The following OTULIN variants were observed in gnomAD, a reference collection of about 807,000 sequenced individuals.
OTULIN encodes ubiquitin thioesterase otulin.
Under a neutral mutation model 39.6 loss-of-function variants are expected in OTULIN, and 15 were observed. The ratio of observed to expected loss-of-function variants is 0.38; its 90% CI spans 0.25 to 0.58. The LOEUF (loss-of-function observed/expected upper bound fraction) is 0.58. OTULIN is among the 20% of genes least tolerant of loss of function. The pLI is 0.66. For missense variants in OTULIN, 319 were observed against 445.9 expected (o/e 0.72, Z 2.56); for synonymous variants, 156 against 170.3 (o/e 0.92, Z 0.65).
chr5:14,689,489 C>G (rs1736469076), intron 5 of OTULIN, among the ~76,000 whole-genome samples: 1 of 152,144 alleles, frequency 6.6e-6, no homozygotes, highest in Non-Finnish European at 1.5e-5. Flanking sequence ...TTACTTTATT[C>G]TTAATCCGGA....
rs1003301312 is a variant in OTULIN at position 14,693,078 on chromosome 5, G to A, written c.*30G>A. The A allele has an allele frequency of 1.2e-5, 19 of 1,562,764 alleles. No individual in the cohort carries two copies. The highest frequency in any genetic ancestry group is 1.9e-5 in the Admixed American group (1 of 53,674). ...CGCATGCTCCTGACAGCCTGGCGAC[G>A]TGGCGAAGATGCACAGGTGGCTCCT... On this transcript the variant is annotated 3_prime_UTR_variant, in exon 7 of 7. Coordinates refer to ENST00000284274, the MANE Select transcript of OTULIN (RefSeq NM_138348.6).
At chr5:14,688,463 G>A (rs931699098) in intron 5 of OTULIN, among the ~76,000 whole-genome samples, 3 of 152,158 alleles carry the variant, frequency 2.0e-5, no homozygotes, top group East Asian at 1.9e-4. Flanking sequence ...TCAGCTCCAC[G>A]AGAGACTGTC....
At chr5:14,684,181 CAGAG>C (rs1314710521) in intron 4 of OTULIN, among the ~76,000 whole-genome samples, 4 of 152,164 alleles carry the variant, frequency 2.6e-5, no homozygotes, top group African/African-American at 9.7e-5. Context: ...AGGCCTCTGT[CAGAG>C]AGGGAAAACA....
At chr5:14,705,374 A>T in the OTULIN span, 1 of 152,220 alleles carries the variant, frequency 6.6e-6, no homozygotes, top group Non-Finnish European at 1.5e-5. Context: ...ATCTCATACG[A>T]CGTTCTAAAT....
chr5:14,703,346 A>G (rs866937416), downstream of OTULIN, among the ~76,000 whole-genome samples: 346 of 36,126 alleles, frequency 9.6e-3, 4 homozygotes, highest in Middle Eastern at 0.037. Flanking sequence ...AAAAAAAAAA[A>G]AAAAAAAAAA....
In OTULIN at chr5:14,693,513, AC is replaced by A. The variant is rs1242539777; in HGVS notation, c.*466del. On this transcript the variant is annotated 3_prime_UTR_variant, in exon 7 of 7. Transcript: ENST00000284274. ...TAACTCAGGACCTTGAGATTATGAG[AC>A]TGACGTGCTGCCCACTGCACTGAGG... 6.5e-6 allele frequency: 1 copy of A among 153,560 alleles called. No homozygotes were observed. The highest frequency in any genetic ancestry group is 2.4e-5 in the African/African-American group (1 of 41,416). The allele number at this position is 153,560 out of a possible 1,614,324, so 9.5% of individuals were successfully genotyped here.
At chr5:14,678,143 A>C (rs1212233090) in intron 2 of OTULIN, among the ~76,000 whole-genome samples, 1 of 152,204 alleles carries the variant, frequency 6.6e-6, no homozygotes, top group African/African-American at 2.4e-5. Context: ...TAGAGAGCAA[A>C]AGTGTACGTG....
chr5:14,713,477 T>C, the OTULIN span: 8 of 1,599,736 alleles, frequency 5.0e-6, no homozygotes, highest in Non-Finnish European at 6.8e-6. The surrounding 1 kb of genome is among the most constrained non-coding windows in gnomAD (Gnocchi z 4.4). Context: ...AATGTAGCTG[T>C]TAAACCTCTG....
chr5:14,716,456 C>T, the OTULIN span, among the ~76,000 whole-genome samples: 1 of 152,154 alleles, frequency 6.6e-6, no homozygotes, highest in African/African-American at 2.4e-5. Flanking sequence ...TGTGCTACTG[C>T]ATTCCAGCCT....
the OTULIN span, chr5:14,713,394 T>C: frequency 8.4e-7 from 1 of 1,185,244 alleles, no homozygotes; most frequent in Non-Finnish European, 1.2e-6. The surrounding 1 kb of genome is among the most constrained non-coding windows in gnomAD (Gnocchi z 4.4). Context: ...AGCCTCCACC[T>C]GGTGCCTGGG....
intron 4 of OTULIN, among the ~76,000 whole-genome samples, chr5:14,682,305 G>T (rs1387996523): frequency 6.6e-6 from 1 of 152,106 alleles, no homozygotes; most frequent in African/African-American, 2.4e-5. Context: ...TGTACCTTCT[G>T]TATCTAAAAT....
chr5:14,674,763 TAAAAAA>T (rs1330738074), intron 2 of OTULIN, among the ~76,000 whole-genome samples: 1 of 151,584 alleles, frequency 6.6e-6, no homozygotes, highest in Non-Finnish European at 1.5e-5. Context: ...AAAAAAAAAA[TAAAAAA>T]TAAAAATATA....
chr5:14,668,669 C>T (rs899945890), intron 1 of OTULIN, among the ~76,000 whole-genome samples: 28 of 152,276 alleles, frequency 1.8e-4, no homozygotes, highest in Admixed American at 3.3e-4. Context: ...AAAAGCCATA[C>T]TTAGTTCTTA....
At chr5:14,688,874 C>A (rs1194942710) in intron 5 of OTULIN, among the ~76,000 whole-genome samples, 1 of 152,114 alleles carries the variant, frequency 6.6e-6, no homozygotes, top group Non-Finnish European at 1.5e-5. Flanking sequence ...TGTGAAATTG[C>A]TATTTCTGCT....
At position 14,690,298 on chromosome 5, in the gene OTULIN, G is replaced by T. The variant is rs1200697795; in HGVS notation, c.854G>T (p.Gly285Val). 6.2e-7 allele frequency: 1 copy of T among 1,613,866 alleles called. No individual in the cohort carries two copies. The highest frequency in any genetic ancestry group is 1.7e-5 in the Admixed American group (1 of 59,998). The change falls in exon 6 of 7, where the codon GGT becomes GTT. Residue 285 changes from glycine to valine, a missense_variant. This residue lies in a region of OTULIN where 106 missense variants were observed against 192.8 expected (regional missense o/e 0.55). Transcript: ENST00000284274. The surrounding 1 kb of genome is among the most constrained non-coding windows in gnomAD (Gnocchi z 4.5). ...NHLNQVGHTG[G>V]LEQVEMFLLA... ...CTCAACCAGGTGGGACACACTGGTG[G>T]TCTTGAACAGGTAAGTTGTGCTTTT... is the stretch of plus-strand genomic sequence containing the variant.
the OTULIN span, chr5:14,713,456 T>C: frequency 6.4e-7 from 1 of 1,552,372 alleles, no homozygotes; most frequent in South Asian, 1.2e-5. This position sits in a 1 kb window ranked among gnomAD's most constrained non-coding sequence, Gnocchi z 4.4. Context: ...TGCCTGGGGA[T>C]TTCCCCTGAA....
At chr5:14,670,490 T>C (rs899347955) in intron 1 of OTULIN, among the ~76,000 whole-genome samples, 2 of 152,242 alleles carry the variant, frequency 1.3e-5, no homozygotes, top group African/African-American at 4.8e-5. Context: ...TATCTTTCTA[T>C]TAGACGGGTA....
downstream of OTULIN, among the ~76,000 whole-genome samples, chr5:14,702,402 G>T (rs1736814813): frequency 6.6e-6 from 1 of 152,170 alleles, no homozygotes; most frequent in African/African-American, 2.4e-5. Context: ...CATCACCGCT[G>T]TATTTGGAGC....
chr5:14,691,753 T>G (rs1213837403), intron 6 of OTULIN, among the ~76,000 whole-genome samples: 1 of 152,246 alleles, frequency 6.6e-6, no homozygotes, highest in Non-Finnish European at 1.5e-5. Flanking sequence ...CCACTTTGTC[T>G]TCTTTCTAAC....
Sources: gnomAD v4.1 joint callset for allele counts (sites outside exome capture counted in the v4.1 genomes callset) on GRCh38, gnomAD v4.1.1 for gene constraint, gnomAD v4.1.1 regional missense constraint, Gnocchi (gnomAD v3.1) non-coding constraint, MANE v1.5 for transcripts, NCBI Gene and HGNC (gene_info 2026-07-23, HGNC 2026-07-21) for gene names.